Variants in SIPA1L2 observed in about 807,000 individuals in gnomAD.
SIPA1L2 encodes the protein signal induced proliferation associated 1 like 2.
Under a neutral mutation model 163.9 loss-of-function variants are expected in SIPA1L2, and 56 were observed. The ratio of observed to expected loss-of-function variants is 0.34; its 90% confidence interval spans 0.28 to 0.43. The LOEUF (loss-of-function observed/expected upper bound fraction) is 0.43, where lower values mean the gene tolerates loss of function less well. Among genes scored for constraint, SIPA1L2 ranks in the 20% least tolerant of loss-of-function variants. The probability of loss-of-function intolerance (pLI) is 1.00; values close to 1 mark genes in which losing one functional copy is unlikely to be tolerated. For missense variants in SIPA1L2, 1,974 were observed against 2,193.5 expected (o/e 0.90, Z 2.00); for synonymous variants, 877 against 865.7 (o/e 1.01, Z -0.23).
chr1:232,423,784 C>G (rs72757391), intron 18 of SIPA1L2, among the ~76,000 whole-genome samples: 1 of 151,734 alleles, frequency 6.6e-6, no homozygotes, highest in Non-Finnish European at 1.5e-5. Flanking sequence ...ATCTAGATGA[C>G]GCAATATTAT....
chr1:232,584,568 C>G (rs1291011185), intron 1 of SIPA1L2, among the ~76,000 whole-genome samples: 5 of 152,212 alleles, frequency 3.3e-5, no homozygotes, highest in Non-Finnish European at 5.9e-5. Flanking sequence ...GGTCTTCATT[C>G]TGAAGGCTCT....
chr1:232,522,155 C>A (rs1450671019), intron 2 of SIPA1L2, among the ~76,000 whole-genome samples: 2 of 152,116 alleles, frequency 1.3e-5, no homozygotes, highest in African/African-American at 4.8e-5. Flanking sequence ...GAGTTAGAAC[C>A]ACTATCATAG....
chr1:232,479,822 C>CA, intron 6 of SIPA1L2, 92 bp from the exon 7 acceptor site: 2 of 1,057,368 alleles, frequency 1.9e-6, no homozygotes, highest in Non-Finnish European at 2.8e-6. Flanking sequence ...AAACAAAAAA[C>CA]AAAAAACACC....
At chr1:232,574,028 G>A (rs1659946401) in intron 2 of SIPA1L2, among the ~76,000 whole-genome samples, 146 bp downstream of exon 2, 1 of 152,154 alleles carries the variant, frequency 6.6e-6, no homozygotes, top group African/African-American at 2.4e-5. Flanking sequence ...TGTATTTGCT[G>A]TGGAAGAGTG....
rs140733932 is a variant in SIPA1L2 at position 232,622,163 on chromosome 1, C to A, written c.-319+7706G>T. ...TGCTTACAGCACTTATCACAGCATA[C>A]CTTATACACAAATGTAAACAAATAG... On this transcript the variant is annotated intron_variant, in intron 1 of 22. Transcript: ENST00000674635. Among the ~76,000 whole-genome samples, 14 of 152,328 alleles carry A rather than the reference C, an allele frequency of 9.2e-5. No homozygotes were observed. In the East Asian group the frequency reaches 2.7e-3, roughly 29 times the overall value.
intron 18 of SIPA1L2, chr1:232,415,832 C>T (rs911653579): frequency 5.7e-5 from 28 of 488,088 alleles, no homozygotes; most frequent in Non-Finnish European, 9.6e-5. Context: ...CACTGTCCCT[C>T]CCAGAGTCAG....
Position 232,404,328 on chromosome 1 carries a change from T to C in SIPA1L2, c.4763-150A>G, listed in dbSNP as rs190621769. ...GAGAGCCAGTATCATGTAACTCCAA[T>C]GCAATGAGATGACACATTTCATGTT... On this transcript the variant is annotated intron_variant, in intron 19 of 22. Coordinates refer to ENST00000674635, the MANE Select transcript of SIPA1L2 (RefSeq NM_020808.5). The C allele has an allele frequency of 2.6e-3, 1,703 of 652,712 alleles. 1 individual carries two copies. The highest frequency in any genetic ancestry group is 3.8e-3 in the Non-Finnish European group (1,389 of 369,010). The allele number at this position is 652,712 out of a possible 1,614,324, so 40.4% of individuals were successfully genotyped here.
chr1:232,421,157 C>T (rs1661552392), intron 18 of SIPA1L2, among the ~76,000 whole-genome samples: 1 of 152,148 alleles, frequency 6.6e-6, no homozygotes, highest in South Asian at 2.1e-4. Context: ...TGGGTAGATG[C>T]CATCCTACCT....
At chr1:232,445,191 T>C (rs1663140345) in intron 11 of SIPA1L2, among the ~76,000 whole-genome samples, 1 of 152,254 alleles carries the variant, frequency 6.6e-6, no homozygotes. Flanking sequence ...TGCTCAAACC[T>C]GTTCACACTT....
intron 10 of SIPA1L2, among the ~76,000 whole-genome samples, chr1:232,460,553 A>ACAGAATT (rs1234358003): frequency 3.2e-4 from 48 of 152,230 alleles, no homozygotes; most frequent in African/African-American, 1.2e-3. Flanking sequence ...GAGCTGTGAT[A>ACAGAATT]CAGAATTATT....
At chr1:232,573,356 CAA>C (rs1174474637) in intron 2 of SIPA1L2, among the ~76,000 whole-genome samples, 2 of 152,160 alleles carry the variant, frequency 1.3e-5, no homozygotes, top group Admixed American at 1.3e-4. Flanking sequence ...GTTACCCAAG[CAA>C]ATATCTCTAT....
At chr1:232,485,512 G>C (rs1279805400) in intron 5 of SIPA1L2, among the ~76,000 whole-genome samples, 1 of 152,180 alleles carries the variant, frequency 6.6e-6, no homozygotes, top group Non-Finnish European at 1.5e-5. Flanking sequence ...CATTTACTGA[G>C]AATAGACAAT....
chr1:232,594,178 T>G (rs538334833), intron 1 of SIPA1L2, among the ~76,000 whole-genome samples: 1 of 152,148 alleles, frequency 6.6e-6, no homozygotes, highest in Admixed American at 6.5e-5. Context: ...AACAGGCTTG[T>G]AGAGTGTGAC....
intron 13 of SIPA1L2, 73 bp downstream of exon 13, chr1:232,441,695 T>C: frequency 1.6e-6 from 2 of 1,234,188 alleles, no homozygotes; most frequent in Non-Finnish European, 2.4e-6. Flanking sequence ...TAAAATGAAG[T>C]GATGGGAGAG....
intron 1 of SIPA1L2, among the ~76,000 whole-genome samples, chr1:232,626,773 A>G (rs546198559): frequency 6.6e-6 from 1 of 152,338 alleles, no homozygotes; most frequent in East Asian, 1.9e-4. Flanking sequence ...TAAACATCCC[A>G]GTCAGACAGG....
chr1:232,616,616 C>T (rs1662512753), intron 1 of SIPA1L2, among the ~76,000 whole-genome samples: 1 of 152,214 alleles, frequency 6.6e-6, no homozygotes, highest in Non-Finnish European at 1.5e-5. Flanking sequence ...AGCAGCCTAC[C>T]TGTCCGGACT....
At chr1:232,552,123 A>G (rs1054028846) in intron 2 of SIPA1L2, among the ~76,000 whole-genome samples, 6 of 152,194 alleles carry the variant, frequency 3.9e-5, no homozygotes, top group African/African-American at 1.4e-4. Context: ...TACAGGCGTG[A>G]GCCACCACAC....
chr1:232,497,657 G>A (rs1447838893), intron 3 of SIPA1L2, among the ~76,000 whole-genome samples: 1 of 152,232 alleles, frequency 6.6e-6, no homozygotes. Context: ...CTTGGCTGGG[G>A]CCCTCTACTC....
chr1:232,451,163 A>G (rs1213927148), intron 10 of SIPA1L2, among the ~76,000 whole-genome samples: 2 of 152,208 alleles, frequency 1.3e-5, no homozygotes, highest in Non-Finnish European at 2.9e-5. Flanking sequence ...GCGATCATCA[A>G]ACCTAGTCAA....
Sources: allele counts gnomAD v4.1 joint callset (sites outside exome capture counted in the v4.1 genomes callset), GRCh38; gene constraint gnomAD v4.1.1; transcripts MANE v1.5; gene names NCBI Gene and HGNC (gene_info 2026-07-23, HGNC 2026-07-21).